Variants in CABLES1 observed in about 807,000 individuals in gnomAD.
The protein encoded by CABLES1 is CDK5 and ABL1 enzyme substrate 1.
Under a neutral mutation model 57.8 loss-of-function variants are expected in CABLES1, and 36 were observed. The observed-to-expected ratio is 0.62, with a 90% confidence interval of 0.48 to 0.82. CABLES1 has a LOEUF of 0.82. CABLES1 is among the 40% of genes least tolerant of loss of function. The pLI is 0.00. For synonymous variants in CABLES1, 374 were observed against 363.0 expected (o/e 1.03, Z -0.35); for missense variants, 767 against 836.6 (o/e 0.92, Z 1.03).
At chr18:23,249,300 A>C (rs2047980721) in intron 7 of CABLES1, among the ~76,000 whole-genome samples, 1 of 152,184 alleles carries the variant, frequency 6.6e-6, no homozygotes, top group East Asian at 1.9e-4. Flanking sequence ...AGGAGGTTGG[A>C]TGTTCAGATA....
rs199957517 is a variant in CABLES1, at chr18:23,237,098, C to T, written c.1343-44C>T. On this transcript the variant is annotated intron_variant, in intron 6 of 9. Transcript: ENST00000256925. ...CTGGCTGTCTCTGCTGGGGAGGGTC[C>T]GGAGCCGCTAATTATCATTTTGCAT... The T allele has an allele frequency of 2.5e-4, 287 of 1,151,816 alleles. 1 individual carries two copies. The African/African-American group carries it at 3.5e-3, about 14-fold the overall frequency. The allele number at this position is 1,151,816 out of a possible 1,614,324, so 71.3% of individuals were successfully genotyped here.
intron 1 of CABLES1, among the ~76,000 whole-genome samples, chr18:23,153,243 G>A (rs1404216049): frequency 6.6e-6 from 1 of 151,878 alleles, no homozygotes; most frequent in East Asian, 2.0e-4. Context: ...CTACGGGCAT[G>A]CACTACCACA....
chr18:23,250,238 A>G (rs1012387235), intron 7 of CABLES1, among the ~76,000 whole-genome samples: 1 of 152,240 alleles, frequency 6.6e-6, no homozygotes, highest in Admixed American at 6.5e-5. Flanking sequence ...ACAAAGGCAG[A>G]TGACTTTACT....
rs191442707 is a variant in CABLES1, at chr18:23,186,407, T to C, written c.846-2431T>C. Among the ~76,000 whole-genome samples the C allele has an allele frequency of 7.2e-5, 11 of 151,996 alleles. No homozygotes were observed. The East Asian group carries it at 2.1e-3, about 29-fold the overall frequency. On this transcript the variant is annotated intron_variant, in intron 1 of 9. Transcript: ENST00000256925. ...ACTGAGGGTCAAGGATTAAGGAGCT[T>C]GCTTTCTTTTCTCTTCTTTTTTTTT...
chr18:23,160,320 C>T (rs536633239), intron 1 of CABLES1, among the ~76,000 whole-genome samples: 7 of 152,240 alleles, frequency 4.6e-5, no homozygotes, highest in East Asian at 3.9e-4. Flanking sequence ...TGAGCCACCG[C>T]GCCTAGCCGT....
intron 1 of CABLES1, among the ~76,000 whole-genome samples, chr18:23,180,917 G>A (rs761365629): frequency 2.0e-5 from 3 of 152,172 alleles, no homozygotes; most frequent in Non-Finnish European, 4.4e-5. Context: ...AACAAAAAAG[G>A]GATTTTCTAG....
intron 8 of CABLES1, 146 bp downstream of exon 8, chr18:23,253,212 G>A (rs1337385419): frequency 8.3e-6 from 5 of 605,496 alleles, no homozygotes; most frequent in Non-Finnish European, 1.5e-5. Flanking sequence ...GCCGGGCATG[G>A]TGGCTCACAC....
intron 1 of CABLES1, among the ~76,000 whole-genome samples, chr18:23,161,936 C>T (rs1029895301): frequency 1.3e-5 from 2 of 150,816 alleles, no homozygotes; most frequent in East Asian, 2.0e-4. Flanking sequence ...AAAAAAAAAG[C>T]GGGTGGATCA....
chr18:23,239,281 TGCA>T (rs995704359), intron 7 of CABLES1, among the ~76,000 whole-genome samples: 3 of 152,258 alleles, frequency 2.0e-5, no homozygotes, highest in Non-Finnish European at 2.9e-5. Flanking sequence ...GCATTGGCTC[TGCA>T]GTCAGTGCTT....
intron 1 of CABLES1, among the ~76,000 whole-genome samples, chr18:23,144,937 T>C (rs575099177): frequency 1.1e-4 from 17 of 151,626 alleles, no homozygotes; most frequent in Admixed American, 1.1e-3. Context: ...TTTTTTTCTT[T>C]CTTTTTTTTT....
At chr18:23,241,789 G>A (rs866063485) in intron 7 of CABLES1, among the ~76,000 whole-genome samples, 6 of 152,148 alleles carry the variant, frequency 3.9e-5, no homozygotes. Flanking sequence ...ATATAAAAAG[G>A]CCCCTCGTCG....
chr18:23,203,348 T>G (rs1451225717), intron 3 of CABLES1, among the ~76,000 whole-genome samples: 1 of 151,764 alleles, frequency 6.6e-6, no homozygotes, highest in Non-Finnish European at 1.5e-5. Context: ...CTGAGCTATC[T>G]CCTCCCTTGG....
chr18:23,213,943 G>A, intron 3 of CABLES1, 34 bp from the exon 4 acceptor site: 1 of 1,384,472 alleles, frequency 7.2e-7, no homozygotes, highest in Non-Finnish European at 1.0e-6. Flanking sequence ...TGCATTTAGT[G>A]TGTTTGTTGT....
Position 23,136,424 on chromosome 18 carries a change from C to T in CABLES1, c.662C>T (p.Ala221Val), listed in dbSNP as rs371732182. The change falls in exon 1 of 10, where the codon GCG (alanine) becomes GTG (valine). Residue 221 changes from alanine to valine, a missense_variant. Physicochemically the swap from Ala to Val is moderately conservative, Grantham distance 64. Around this residue, in one of 4 missense-constraint regions of CABLES1, gnomAD observed 529 missense variants for 622.8 expected, o/e 0.85. Coordinates refer to ENST00000256925, the MANE Select transcript of CABLES1 (RefSeq NM_001100619.3). Reference sequence around the variant, plus strand: ...GCCTTTATCAGCGTGCAGGTGCCGGCGGCCGCCTTTTTGGGCTCCGGGACC... The same window carrying T: ...GCCTTTATCAGCGTGCAGGTGCCGGTGGCCGCCTTTTTGGGCTCCGGGACC... ...DDAFISVQVP[A>V]AAFLGSGTPG... The T allele has an allele frequency of 1.9e-6, 3 of 1,600,714 alleles. No individual in the cohort carries two copies. Among genetic ancestry groups the T allele is most frequent in the African/African-American group, 1.3e-5 (1 of 74,102 alleles).
chr18:23,150,561 C>T (rs910675472), intron 1 of CABLES1, among the ~76,000 whole-genome samples: 1 of 152,136 alleles, frequency 6.6e-6, no homozygotes, highest in African/African-American at 2.4e-5. Flanking sequence ...TGTGGACAGC[C>T]TCTGCCCTGT....
At chr18:23,181,126 G>A (rs1261148336) in intron 1 of CABLES1, among the ~76,000 whole-genome samples, 1 of 152,122 alleles carries the variant, frequency 6.6e-6, no homozygotes, top group Admixed American at 6.5e-5. Flanking sequence ...CCTTGTCCTG[G>A]GGCATTGGGA....
chr18:23,167,028 C>T (rs532192838), intron 1 of CABLES1, among the ~76,000 whole-genome samples: 1 of 152,258 alleles, frequency 6.6e-6, no homozygotes, highest in Admixed American at 6.5e-5. Context: ...ACAACTTAAC[C>T]AGGATGAGGG....
At chr18:23,140,964 CA>C (rs1226107329) in intron 1 of CABLES1, among the ~76,000 whole-genome samples, 2 of 152,192 alleles carry the variant, frequency 1.3e-5, no homozygotes, top group Non-Finnish European at 2.9e-5. Flanking sequence ...AATGCACTTA[CA>C]TTTATAATCG....
Position 23,170,534 on chromosome 18 carries a change from A to T in CABLES1, c.846-18304A>T, listed in dbSNP as rs551267850. ...GGCGTTGGGTCCATTTATGCCCCTT[A>T]TGCTTTTTATTGGTCTCATAGCAGA... On this transcript the variant is annotated intron_variant, in intron 1 of 9. Transcript: ENST00000256925. Among the ~76,000 whole-genome samples, 103 of 152,202 alleles carry T rather than the reference A, an allele frequency of 6.8e-4. 5 individuals are homozygous for T. The South Asian group carries it at 0.021, about 31-fold the overall frequency.
Sources: gnomAD v4.1 joint callset for allele counts (sites outside exome capture counted in the v4.1 genomes callset) on GRCh38, gnomAD v4.1.1 for gene constraint, gnomAD v4.1.1 regional missense constraint, MANE v1.5 for transcripts, NCBI Gene and HGNC (gene_info 2026-07-23, HGNC 2026-07-21) for gene names.